The following MAP3K4 variants were observed in gnomAD, a reference collection of about 807,000 sequenced individuals.
The protein encoded by MAP3K4 is MAP three kinase 1.
In MAP3K4, 67 loss-of-function variants were observed where a neutral mutation model predicts 185.6. The ratio of observed to expected loss-of-function variants is 0.36; its 90% CI spans 0.30 to 0.44. The LOEUF is 0.44. MAP3K4 is among the 20% of genes least tolerant of loss of function. The pLI is 1.00. For synonymous variants in MAP3K4, 702 were observed against 710.4 expected (o/e 0.99, Z 0.19); for missense variants, 1,551 against 1,995.1 (o/e 0.78, Z 4.24).
rs757661903 is a variant in MAP3K4 at position 161,112,653 on chromosome 6, CTG to C, written c.4520-12_4520-11del. The C allele has an allele frequency of 4.6e-6, 7 of 1,531,522 alleles. No individual in the cohort carries two copies. The African/African-American group carries it at 9.7e-5, about 21-fold the overall frequency. 94.9% of individuals were successfully genotyped at this position (1,531,522 alleles called of 1,614,324 possible). On this transcript the variant is annotated splice_polypyrimidine_tract_variant and intron_variant, in intron 24 of 26. Transcript: ENST00000392142. This position sits in a 1 kb window ranked among gnomAD's most constrained non-coding sequence, Gnocchi z 5.1. Reference sequence around the variant, plus strand: ...TTATAACCCATTACTCTCAACATATCTGTGACTTTTAAAGCATACATGGCACC... The same window carrying C: ...TTATAACCCATTACTCTCAACATATCTGACTTTTAAAGCATACATGGCACC...
At chr6:161,032,017 A>G (rs1285948210) in intron 1 of MAP3K4, among the ~76,000 whole-genome samples, 3 of 152,320 alleles carry the variant, frequency 2.0e-5, no homozygotes, top group Admixed American at 6.5e-5. Context: ...CATTTATGCT[A>G]TAGTTTCCTG....
intron 1 of MAP3K4, among the ~76,000 whole-genome samples, chr6:160,995,697 A>T (rs1323120156): frequency 6.6e-6 from 1 of 152,182 alleles, no homozygotes; most frequent in African/African-American, 2.4e-5. Context: ...AACATTGCTT[A>T]TCATTTCTTT....
At chr6:161,058,391 C>T (rs1784334867) in intron 3 of MAP3K4, among the ~76,000 whole-genome samples, 1 of 152,164 alleles carries the variant, frequency 6.6e-6, no homozygotes, top group Non-Finnish European at 1.5e-5. Context: ...CACCCAAGTA[C>T]ACCTGTTTAC....
rs1777675811 is a variant in MAP3K4 at position 161,098,433 on chromosome 6, C to G, written c.3674+6C>G. On this transcript the variant is annotated splice_donor_region_variant and intron_variant, in intron 17 of 26. Coordinates refer to ENST00000392142, the MANE Select transcript of MAP3K4 (RefSeq NM_005922.4). This position sits in a 1 kb window ranked among gnomAD's most constrained non-coding sequence, Gnocchi z 4.4. ...AGCAGTGCCCATGATACCAGGTAGT[C>G]TCACCCCACCAGTGTCCCGTACCCT... 3.1e-6 allele frequency: 5 copies of G among 1,611,396 alleles called. No individual in the cohort carries two copies. The African/African-American group carries it at 5.3e-5, about 17-fold the overall frequency.
In MAP3K4 at chr6:161,097,351, A is replaced by G. The variant is rs947131497; in HGVS notation, c.3524+175A>G. ...ACCTTTAGTCGCAAAAGAAAAAGAC[A>G]TGCAAATTTAAAACAGACCTGTGCC... On this transcript the variant is annotated intron_variant, in intron 16 of 26. Transcript: ENST00000392142. The surrounding 1 kb of genome is among the most constrained non-coding windows in gnomAD (Gnocchi z 4.9). Among the ~76,000 whole-genome samples the G allele has an allele frequency of 6.6e-6, 1 of 152,254 alleles. No individual in the cohort carries two copies. Among genetic ancestry groups the G allele is most frequent in the African/African-American group, 2.4e-5 (1 of 41,472 alleles).
In MAP3K4 at chr6:161,116,821, G is replaced by A; in HGVS notation, c.4807-29G>A. On this transcript the variant is annotated intron_variant, in intron 26 of 26. Transcript: ENST00000392142. The surrounding 1 kb of genome is among the most constrained non-coding windows in gnomAD (Gnocchi z 6.2). The stretch of plus-strand genomic sequence containing the variant: ...CACAAGCACACACCTGGCTCTGCAA[G>A]AGCTCAGCTCTCTCCTGCTTCCTCA... 4 of 1,613,118 alleles carry A rather than the reference G, an allele frequency of 2.5e-6. No individual in the cohort carries two copies. Among genetic ancestry groups the A allele is most frequent in the Non-Finnish European group, 3.4e-6 (4 of 1,179,224 alleles).
rs2114927454 is a variant in MAP3K4 at position 161,115,127 on chromosome 6, C to T, written c.4631C>T (p.Pro1544Leu). The change falls in exon 26 of 27, where the codon CCT becomes CTT. Residue 1544 changes from proline to leucine, a missense_variant. Physicochemically the swap from Pro to Leu is moderately conservative, Grantham distance 98 (BLOSUM62 -3). Around this residue, in one of 16 missense-constraint regions of MAP3K4, gnomAD observed 159 missense variants for 300.5 expected, o/e 0.53. Coordinates refer to ENST00000392142, the MANE Select transcript of MAP3K4 (RefSeq NM_005922.4). The surrounding 1 kb of genome is among the most constrained non-coding windows in gnomAD (Gnocchi z 6.0). Reference sequence around the variant, plus strand: ...TTTTAAAAACATCTTTTTTAGAGGCCTTGGCATGAGTATGAGCACAACTTT... The same window carrying T: ...TTTTAAAAACATCTTTTTTAGAGGCTTTGGCATGAGTATGAGCACAACTTT... ...VVIEMVTGKR[P>L]WHEYEHNFQI... is the part of the protein sequence containing the mutation. 1 of 1,603,302 alleles carries T rather than the reference C, an allele frequency of 6.2e-7. No individual in the cohort carries two copies. Among genetic ancestry groups the T allele is most frequent in the Non-Finnish European group, 8.5e-7 (1 of 1,173,764 alleles).
rs1240052097 is a variant in MAP3K4, at chr6:161,097,500, T to C, written c.3524+324T>C. ...AACCTTCAGAAAACAAATTTGAATATGGATAGTGTAGTCAACATTTGAAAA... is the reference window on the plus strand; with the variant it reads ...AACCTTCAGAAAACAAATTTGAATACGGATAGTGTAGTCAACATTTGAAAA... On this transcript the variant is annotated intron_variant, in intron 16 of 26. Transcript: ENST00000392142. This position sits in a 1 kb window ranked among gnomAD's most constrained non-coding sequence, Gnocchi z 4.9. Among the ~76,000 whole-genome samples, 3 of 152,196 alleles carry C rather than the reference T, an allele frequency of 2.0e-5. No individual in the cohort carries two copies. The highest frequency in any genetic ancestry group is 4.4e-5 in the Non-Finnish European group (3 of 68,032).
intron 2 of MAP3K4, among the ~76,000 whole-genome samples, chr6:161,046,541 AGTT>A (rs1314949134): frequency 6.6e-6 from 1 of 151,626 alleles, no homozygotes; most frequent in African/African-American, 2.4e-5. Flanking sequence ...TAATAATAGT[AGTT>A]TGTATACTAA....
In MAP3K4 at chr6:161,084,650, C is replaced by T. The variant is rs777022382; in HGVS notation, c.2372+33C>T. ...TTGTGCTTCCTTTCCCCTTCCACTT[C>T]TTATCTCGTAGTTTCCTTCCTCATG... On this transcript the variant is annotated intron_variant, in intron 7 of 26. Transcript: ENST00000392142. This position sits in a 1 kb window ranked among gnomAD's most constrained non-coding sequence, Gnocchi z 4.6. 8.2e-7 allele frequency: 1 copy of T among 1,217,616 alleles called. No homozygotes were observed. Among genetic ancestry groups the T allele is most frequent in the Admixed American group, 1.7e-5 (1 of 59,238 alleles). The allele number at this position is 1,217,616 out of a possible 1,614,324, so 75.4% of individuals were successfully genotyped here. A position where few individuals can be genotyped will look rare whatever the true frequency, so the allele number is the denominator to read the frequency against.
intron 1 of MAP3K4, among the ~76,000 whole-genome samples, chr6:161,019,225 T>C (rs1454371153): frequency 6.6e-6 from 1 of 152,238 alleles, no homozygotes; most frequent in East Asian, 1.9e-4. Flanking sequence ...GAAGAAACCC[T>C]GTCACTGGAA....
Position 161,108,037 on chromosome 6 carries a change from G to T in MAP3K4, c.4119+68G>T. On this transcript the variant is annotated intron_variant, in intron 21 of 26. Coordinates refer to ENST00000392142, the MANE Select transcript of MAP3K4 (RefSeq NM_005922.4). This position sits in a 1 kb window ranked among gnomAD's most constrained non-coding sequence, Gnocchi z 5.7. ...TGGGTGATAGAAATTCCGTATAGAC[G>T]CTGGTCGTGATTCAGTTCTCTGTGC... is the stretch of plus-strand genomic sequence containing the variant. 1 of 1,413,486 alleles carries T rather than the reference G, an allele frequency of 7.1e-7. No homozygotes were observed. The highest frequency in any genetic ancestry group is 9.9e-7 in the Non-Finnish European group (1 of 1,013,814). The allele number at this position is 1,413,486 out of a possible 1,614,324, so 87.6% of individuals were successfully genotyped here. A position where few individuals can be genotyped will look rare whatever the true frequency, so the allele number is the denominator to read the frequency against.
At position 161,080,760 on chromosome 6, in the gene MAP3K4, G is replaced by T; in HGVS notation, c.2098-121G>T. 3.9e-6 allele frequency: 3 copies of T among 766,410 alleles called. No individual in the cohort carries two copies. Among genetic ancestry groups the T allele is most frequent in the East Asian group, 2.7e-5 (1 of 36,860 alleles). 47.5% of individuals were successfully genotyped at this position (766,410 alleles called of 1,614,324 possible). On this transcript the variant is annotated intron_variant, in intron 5 of 26. Coordinates refer to ENST00000392142, the MANE Select transcript of MAP3K4 (RefSeq NM_005922.4). This position sits in a 1 kb window ranked among gnomAD's most constrained non-coding sequence, Gnocchi z 4.8. ...AGAACCTTGCTTCTGTCGGTGCTGC[G>T]TGCCTGTGACAGCCCCCGGCCCGCC... is the stretch of plus-strand genomic sequence containing the variant.
At position 161,077,508 on chromosome 6, in the gene MAP3K4, G is replaced by T. The variant is rs970851900; in HGVS notation, c.2098-3373G>T. Among the ~76,000 whole-genome samples the T allele has an allele frequency of 6.6e-6, 1 of 152,170 alleles. No individual in the cohort carries two copies. Among genetic ancestry groups the T allele is most frequent in the African/African-American group, 2.4e-5 (1 of 41,424 alleles). The stretch of plus-strand genomic sequence containing the variant: ...CGCTTGGGAAAGGAGCCTGGCAAGA[G>T]CAAGGCACCGCAGGCAGCCTGTGGG... On this transcript the variant is annotated intron_variant, in intron 5 of 26. Transcript: ENST00000392142. The surrounding 1 kb of genome is among the most constrained non-coding windows in gnomAD (Gnocchi z 4.3).
At position 161,098,278 on chromosome 6, in the gene MAP3K4, C is replaced by T. The variant is rs768032645; in HGVS notation, c.3525C>T (p.Ser1175=). The T allele has an allele frequency of 2.5e-6, 4 of 1,612,168 alleles. No homozygotes were observed. The East Asian group carries it at 6.7e-5, about 27-fold the overall frequency. The stretch of plus-strand genomic sequence containing the variant: ...CCTGAAGCTTTTCTTCTTGTCTTAG[C>T]ACTCGGAGCATGCCTTCCGACGCGC... The part of the protein sequence containing the change: ...HLIIPTPEGF[S]TRSMPSDARS... Residue 1175 remains serine, a splice_region_variant and synonymous_variant, in exon 17 of 27, where the codon AGC becomes AGT. Coordinates refer to ENST00000392142, the MANE Select transcript of MAP3K4 (RefSeq NM_005922.4). The surrounding 1 kb of genome is among the most constrained non-coding windows in gnomAD (Gnocchi z 4.4).
intron 1 of MAP3K4, among the ~76,000 whole-genome samples, chr6:161,009,859 G>T (rs1217826553): frequency 6.6e-6 from 1 of 152,070 alleles, no homozygotes; most frequent in Non-Finnish European, 1.5e-5. Flanking sequence ...ACTGGGGCCT[G>T]TCGGGGGAAG....
intron 3 of MAP3K4, among the ~76,000 whole-genome samples, chr6:161,055,031 T>G (rs1244260601): frequency 6.6e-6 from 1 of 152,240 alleles, no homozygotes; most frequent in African/African-American, 2.4e-5. Context: ...TCCACCTTGC[T>G]GTAATACCAG....
intron 1 of MAP3K4, among the ~76,000 whole-genome samples, chr6:161,018,259 A>C (rs1782207328): frequency 6.6e-6 from 1 of 152,194 alleles, no homozygotes; most frequent in Admixed American, 6.5e-5. Flanking sequence ...CAGAAAATTT[A>C]TATAAGGCCT....
In MAP3K4 at chr6:161,098,349, CTGT is replaced by C. The variant is rs747583883; in HGVS notation, c.3599_3601del (p.Val1200del). ...GCTGCTGCTGCTGCTGCTGCTGCTG[CTGT>C]TGCTGCCAGTCGGCCCAGCCCCTCT... On this transcript the variant is annotated inframe_deletion, in exon 17 of 27. Coordinates refer to ENST00000392142, the MANE Select transcript of MAP3K4 (RefSeq NM_005922.4). This position sits in a 1 kb window ranked among gnomAD's most constrained non-coding sequence, Gnocchi z 4.4. The C allele has an allele frequency of 6.0e-6, 9 of 1,494,062 alleles. No individual in the cohort carries two copies. Among genetic ancestry groups the C allele is most frequent in the South Asian group, 2.3e-5 (2 of 87,670 alleles). 92.6% of individuals were successfully genotyped at this position (1,494,062 alleles called of 1,614,324 possible).
Sources: allele counts gnomAD v4.1 joint callset (sites outside exome capture counted in the v4.1 genomes callset), GRCh38; gene constraint gnomAD v4.1.1; regional missense constraint gnomAD v4.1.1; non-coding constraint Gnocchi (gnomAD v3.1); transcripts MANE v1.5; gene names NCBI Gene and HGNC (gene_info 2026-07-23, HGNC 2026-07-21).